DEFB105A: variants seen among roughly 807,000 people sequenced by gnomAD.
The protein encoded by DEFB105A is defensin beta 105A.
For synonymous variants in DEFB105A, 2 were observed against 6.6 expected (o/e 0.30, Z 1.06); for missense variants, 2 against 18.5 (o/e 0.11, Z 1.64).
In DEFB105A at chr8:7,821,468, ATAG is replaced by A. The variant is rs552783596; in HGVS notation, c.*537_*539del. The stretch of plus-strand genomic sequence containing the variant: ...AAATTGTAAGGTACTCTACATATAC[ATAG>A]TAGTGGTATCTGATTGAGCAGATAC... On this transcript the variant is annotated 3_prime_UTR_variant, in exon 3 of 3. Coordinates refer to ENST00000334773, the MANE Select transcript of DEFB105A (RefSeq NM_152250.3). 3.3e-3 allele frequency among the ~76,000 whole-genome samples: 494 copies of A among 148,784 alleles called. No individual in the cohort carries two copies. The highest frequency in any genetic ancestry group is 5.2e-3 in the Non-Finnish European group (341 of 66,206).
rs1817315384 is a variant in DEFB105A, at chr8:7,821,944, T to G, written c.*64A>C. On this transcript the variant is annotated 3_prime_UTR_variant, in exon 3 of 3. Coordinates refer to ENST00000334773, the MANE Select transcript of DEFB105A (RefSeq NM_152250.3). ...TGTGATTTGGATAAGCCACATAACTTCTCTTGAACTTCTTTGAATATCCAG... is the reference window on the plus strand; with the variant it reads ...TGTGATTTGGATAAGCCACATAACTGCTCTTGAACTTCTTTGAATATCCAG... 5 of 133,744 alleles carry G rather than the reference T, an allele frequency of 3.7e-5. No individual in the cohort carries two copies. Among genetic ancestry groups the G allele is most frequent in the Non-Finnish European group, 5.8e-5 (4 of 69,452 alleles). 8.3% of individuals were successfully genotyped at this position (133,744 alleles called of 1,614,324 possible).
At position 7,821,848 on chromosome 8, in the gene DEFB105A, C is replaced by CT. The variant is rs1164814213; in HGVS notation, c.*159dup. On this transcript the variant is annotated 3_prime_UTR_variant, in exon 3 of 3. Transcript: ENST00000334773. The stretch of plus-strand genomic sequence containing the variant: ...AAAAAAAAAAAAGAAAAAAAGTCAT[C>CT]TTTAAAAAATAAGCAATAAAACGTA... The CT allele has an allele frequency of 1.2e-6, 1 of 814,294 alleles. No individual in the cohort carries two copies. The highest frequency in any genetic ancestry group is 1.7e-6 in the Non-Finnish European group (1 of 591,436). The allele number at this position is 814,294 out of a possible 1,614,324, so 50.4% of individuals were successfully genotyped here.
rs778988639 is a variant in DEFB105A, at chr8:7,823,436, CA to C, written c.71-14del. On this transcript the variant is annotated splice_polypyrimidine_tract_variant and intron_variant, in intron 1 of 2. Transcript: ENST00000334773. ...CCTGCCTGGCACCCTAAATTCAAAA[CA>C]AAATACATTTTGAAAATTAAAATCA... 2.5e-6 allele frequency: 4 copies of C among 1,591,938 alleles called. No homozygotes were observed. The Admixed American group carries it at 6.9e-5, about 28-fold the overall frequency.
Position 7,821,817 on chromosome 8 carries a change from C to A in DEFB105A, c.*191G>T. ...CCTGGGCGACAGAGTGAGACTCCTT[C>A]TCAAAAAAAAAAAAAAAGAAAAAAA... On this transcript the variant is annotated 3_prime_UTR_variant, in exon 3 of 3. Transcript: ENST00000334773. The A allele has an allele frequency of 2.9e-6, 3 of 1,045,420 alleles. No homozygotes were observed. The highest frequency in any genetic ancestry group is 4.8e-5 in the East Asian group (1 of 20,700). 64.8% of individuals were successfully genotyped at this position (1,045,420 alleles called of 1,614,324 possible).
At position 7,821,441 on chromosome 8, in the gene DEFB105A, A is replaced by C. The variant is rs1817294003; in HGVS notation, c.*567T>G. ...ATGAGAGAAGTATGGAAAATACTTCATAAATTGTAAGGTACTCTACATATA... is the reference window on the plus strand; with the variant it reads ...ATGAGAGAAGTATGGAAAATACTTCCTAAATTGTAAGGTACTCTACATATA... On this transcript the variant is annotated 3_prime_UTR_variant, in exon 3 of 3. Coordinates refer to ENST00000334773, the MANE Select transcript of DEFB105A (RefSeq NM_152250.3). Among the ~76,000 whole-genome samples, 1 of 151,590 alleles carries C rather than the reference A, an allele frequency of 6.6e-6. No individual in the cohort carries two copies. Among genetic ancestry groups the C allele is most frequent in the Non-Finnish European group, 1.5e-5 (1 of 67,824 alleles).
Position 7,821,252 on chromosome 8 carries a change from ATAGT to A in DEFB105A, c.*752_*755del, listed in dbSNP as rs879654704. ...TTGATAGAATTATTATTCCATTAAC[ATAGT>A]TAGTACATATAGATGGATACATAAA... On this transcript the variant is annotated 3_prime_UTR_variant, in exon 3 of 3. Coordinates refer to ENST00000334773, the MANE Select transcript of DEFB105A (RefSeq NM_152250.3). 8.3e-3 allele frequency among the ~76,000 whole-genome samples: 1,226 copies of A among 147,704 alleles called. No homozygotes were observed. The highest frequency in any genetic ancestry group is 0.014 in the Middle Eastern group (4 of 276).
rs1817282568 is a variant in DEFB105A, at chr8:7,821,018, AT to A, written c.*989del. Among the ~76,000 whole-genome samples the A allele has an allele frequency of 1.5e-5, 1 of 65,780 alleles. No individual in the cohort carries two copies. Among genetic ancestry groups the A allele is most frequent in the Non-Finnish European group, 3.1e-5 (1 of 32,406 alleles). 43.2% of individuals were successfully genotyped at this position (65,780 alleles called of 152,430 possible). A position where few individuals can be genotyped will look rare whatever the true frequency, so the allele number is the denominator to read the frequency against. ...CAAGTCACTGGTCATAGGGCTGGTA[AT>A]TTTGGCCTTTATTTTGTGAAGCTGG... On this transcript the variant is annotated 3_prime_UTR_variant, in exon 3 of 3. Transcript: ENST00000334773.
rs1817305600 is a variant in DEFB105A at position 7,821,757 on chromosome 8, T to C, written c.*251A>G. 7.8e-6 allele frequency among the ~76,000 whole-genome samples: 1 copy of C among 127,400 alleles called. No homozygotes were observed. Among genetic ancestry groups the C allele is most frequent in the Non-Finnish European group, 1.7e-5 (1 of 59,826 alleles). 83.6% of individuals were successfully genotyped at this position (127,400 alleles called of 152,430 possible). The stretch of plus-strand genomic sequence containing the variant: ...ATTGCTTGAACCCGGGAGGTGGAGG[T>C]TGCAGTGAGCCAAGATCGAGCCACT... On this transcript the variant is annotated 3_prime_UTR_variant, in exon 3 of 3. Transcript: ENST00000334773.
intron 1 of DEFB105A, among the ~76,000 whole-genome samples, 168 bp downstream of exon 1, chr8:7,823,601 C>CA (rs200296786): frequency 6.3e-3 from 379 of 59,900 alleles, no homozygotes; most frequent in South Asian, 0.029. Context: ...AAACAAATTA[C>CA]AAAAAAAAAA....
At position 7,823,807 on chromosome 8, in the gene DEFB105A, AG is replaced by A; in HGVS notation, c.31del (p.Leu11TyrfsTer59). MALIRKTFYF[L>X]FAMFFILVQL... ...AACCAAAATGAAGAACATAGCAAAT[AG>A]AAAATAAAATGTCTTCCTGATCAGG... On this transcript the variant is annotated frameshift_variant, in exon 1 of 3. Transcript: ENST00000334773. LOFTEE classifies it high-confidence loss of function. 1 of 122,168 alleles carries A rather than the reference AG, an allele frequency of 8.2e-6. No individual in the cohort carries two copies. The highest frequency in any genetic ancestry group is 2.0e-4 in the Admixed American group (1 of 5,086). 7.6% of individuals were successfully genotyped at this position (122,168 alleles called of 1,614,324 possible). A position where few individuals can be genotyped will look rare whatever the true frequency, so the allele number is the denominator to read the frequency against.
rs1585685930 is a variant in DEFB105A at position 7,821,687 on chromosome 8, G to T, written c.*321C>A. Among the ~76,000 whole-genome samples the T allele has an allele frequency of 8.4e-6, 1 of 119,726 alleles. No individual in the cohort carries two copies. Among genetic ancestry groups the T allele is most frequent in the East Asian group, 2.7e-4 (1 of 3,772 alleles). 78.5% of individuals were successfully genotyped at this position (119,726 alleles called of 152,430 possible). A position where few individuals can be genotyped will look rare whatever the true frequency, so the allele number is the denominator to read the frequency against. ...ATACAAAAATTAGCCAGGCATGGCG[G>T]TATGCGCCTGTAGTCCCAGCTACTT... On this transcript the variant is annotated 3_prime_UTR_variant, in exon 3 of 3. Coordinates refer to ENST00000334773, the MANE Select transcript of DEFB105A (RefSeq NM_152250.3).
chr8:7,823,265 G>A (rs1817335950), intron 2 of DEFB105A, 117 bp downstream of exon 2: 1 of 1,254,936 alleles, frequency 8.0e-7, no homozygotes. Context: ...TGATTTTTCA[G>A]ACAATTCTAT....
At position 7,821,718 on chromosome 8, in the gene DEFB105A, G is replaced by A. The variant is rs1206478173; in HGVS notation, c.*290C>T. Among the ~76,000 whole-genome samples, 764 of 122,482 alleles carry A rather than the reference G, an allele frequency of 6.2e-3. No homozygotes were observed. The highest frequency in any genetic ancestry group is 9.2e-3 in the Non-Finnish European group (533 of 57,894). The allele number at this position is 122,482 out of a possible 152,430, so 80.4% of individuals were successfully genotyped here. On this transcript the variant is annotated 3_prime_UTR_variant, in exon 3 of 3. Coordinates refer to ENST00000334773, the MANE Select transcript of DEFB105A (RefSeq NM_152250.3). ...GCCTGTAGTCCCAGCTACTTGGGAG[G>A]CTGAAGCAGGAGAATTGCTTGAACC...
chr8:7,822,146 G>C lies in DEFB105A; in HGVS notation c.113-14C>G. The stretch of plus-strand genomic sequence containing the variant: ...CAGCAAACTCACCTGTGCCAAGAAA[G>C]AGCTGCTGAGGGAGCTTTCCAGGAA... On this transcript the variant is annotated splice_polypyrimidine_tract_variant and intron_variant, in intron 2 of 2. Transcript: ENST00000334773. The C allele has an allele frequency of 8.2e-6, 1 of 122,202 alleles. No individual in the cohort carries two copies. Among genetic ancestry groups the C allele is most frequent in the Non-Finnish European group, 1.4e-5 (1 of 73,748 alleles). 7.6% of individuals were successfully genotyped at this position (122,202 alleles called of 1,614,324 possible). A position where few individuals can be genotyped will look rare whatever the true frequency, so the allele number is the denominator to read the frequency against.
Position 7,821,725 on chromosome 8 carries a change from C to T in DEFB105A, c.*283G>A, listed in dbSNP as rs1489030720. 8.5e-6 allele frequency among the ~76,000 whole-genome samples: 1 copy of T among 118,288 alleles called. No homozygotes were observed. The highest frequency in any genetic ancestry group is 3.3e-5 in the African/African-American group (1 of 30,472). 77.6% of individuals were successfully genotyped at this position (118,288 alleles called of 152,430 possible). ...GTCCCAGCTACTTGGGAGGCTGAAG[C>T]AGGAGAATTGCTTGAACCCGGGAGG... On this transcript the variant is annotated 3_prime_UTR_variant, in exon 3 of 3. Transcript: ENST00000334773.
rs1329532142 is a variant in DEFB105A at position 7,821,893 on chromosome 8, A to G, written c.*115T>C. On this transcript the variant is annotated 3_prime_UTR_variant, in exon 3 of 3. Transcript: ENST00000334773. ...AACGTAACAAAGGGAGAAAGAAATG[A>G]GAATGATTCTGAGACTCACTCACTG... 3.0e-6 allele frequency: 1 copy of G among 336,608 alleles called. No individual in the cohort carries two copies. The highest frequency in any genetic ancestry group is 5.5e-6 in the Non-Finnish European group (1 of 180,728). 20.9% of individuals were successfully genotyped at this position (336,608 alleles called of 1,614,324 possible). A position where few individuals can be genotyped will look rare whatever the true frequency, so the allele number is the denominator to read the frequency against.
intron 2 of DEFB105A, 98 bp downstream of exon 2, chr8:7,823,284 C>CT: frequency 6.4e-7 from 1 of 1,566,520 alleles, no homozygotes; most frequent in Non-Finnish European, 8.7e-7. Context: ...ATTTCTGCCA[C>CT]TATCTCTGTC....
At chr8:7,823,601 CA>C (rs200296786) in intron 1 of DEFB105A, among the ~76,000 whole-genome samples, 167 bp downstream of exon 1, 27,182 of 61,138 alleles carry the variant, frequency 0.44, 2,934 homozygotes, top group South Asian at 0.51. Flanking sequence ...AAACAAATTA[CA>C]AAAAAAAAAA....
At position 7,821,836 on chromosome 8, in the gene DEFB105A, A is replaced by G. The variant is rs1226063265; in HGVS notation, c.*172T>C. 14 of 1,025,704 alleles carry G rather than the reference A, an allele frequency of 1.4e-5. No homozygotes were observed. In the East Asian group the frequency reaches 1.9e-4, roughly 14 times the overall value. 63.5% of individuals were successfully genotyped at this position (1,025,704 alleles called of 1,614,324 possible). Reference sequence around the variant, plus strand: ...CTCCTTCTCAAAAAAAAAAAAAAAGAAAAAAAGTCATCTTTAAAAAATAAG... The same window carrying G: ...CTCCTTCTCAAAAAAAAAAAAAAAGGAAAAAAGTCATCTTTAAAAAATAAG... On this transcript the variant is annotated 3_prime_UTR_variant, in exon 3 of 3. Transcript: ENST00000334773.
Sources: allele counts gnomAD v4.1 joint callset (sites outside exome capture counted in the v4.1 genomes callset), GRCh38; gene constraint gnomAD v4.1.1; transcripts MANE v1.5; gene names NCBI Gene and HGNC (gene_info 2026-07-23, HGNC 2026-07-21).